SS18L2: variants seen among roughly 807,000 people sequenced by gnomAD.
SS18L2 encodes SS18 like 2.
Under a neutral mutation model 10.3 loss-of-function variants are expected in SS18L2, and 8 were observed. The ratio of observed to expected loss-of-function variants is 0.78; its 90% CI spans 0.46 to 1.41. The LOEUF (loss-of-function observed/expected upper bound fraction) is 1.41, where lower values mean the gene tolerates loss of function less well. Among genes scored for constraint, SS18L2 ranks in the 40% most tolerant of loss-of-function variants. The pLI, the probability that SS18L2 is intolerant of heterozygous loss-of-function variation, is 0.00. For missense variants in SS18L2, 100 were observed against 96.2 expected, an observed-to-expected ratio of 1.04 and a Z score of -0.17; for synonymous variants, 41 against 34.6, an observed-to-expected ratio of 1.19 and a Z score of -0.65.
At chr3:42,593,972 C>G (rs1448341527) in intron 2 of SS18L2, among the ~76,000 whole-genome samples, 1 of 152,106 alleles carries the variant, frequency 6.6e-6, no homozygotes, top group Non-Finnish European at 1.5e-5. Flanking sequence ...AAAGGTATAG[C>G]CATAAGAGGT....
intron 1 of SS18L2, 65 bp from the exon 2 acceptor site, chr3:42,591,460 C>CGG: frequency 3.2e-6 from 4 of 1,234,900 alleles, no homozygotes; most frequent in Non-Finnish European, 4.8e-6. Flanking sequence ...CCCAAAGGGC[C>CGG]GGGGTTACAG....
At position 42,596,901 on chromosome 3, in the gene SS18L2, C is replaced by A. The variant is rs1705047524; in HGVS notation, c.*2392C>A. Among the ~76,000 whole-genome samples the A allele has an allele frequency of 6.6e-6, 1 of 152,118 alleles. No individual in the cohort carries two copies. On this transcript the variant is annotated 3_prime_UTR_variant, in exon 3 of 3. Transcript: ENST00000011691. ...TAGGTTTAAAGTTGTTTAAGTATAT[C>A]CCAAATTAAATATTTCATTCCTGAG...
upstream of SS18L2, among the ~76,000 whole-genome samples, chr3:42,589,042 A>G (rs1704717220): frequency 6.6e-6 from 1 of 151,988 alleles, no homozygotes; most frequent in African/African-American, 2.4e-5. Flanking sequence ...AAGCGGGCGG[A>G]TCACGAGGTC....
chr3:42,584,726 C>T (rs1408700107), intron 1 of SS18L2, among the ~76,000 whole-genome samples: 2 of 152,196 alleles, frequency 1.3e-5, no homozygotes, highest in Non-Finnish European at 2.9e-5. Context: ...TCCCCTCCCA[C>T]AATGAGTCTC....
At position 42,596,286 on chromosome 3, in the gene SS18L2, T is replaced by A. The variant is rs1208935619; in HGVS notation, c.*1777T>A. On this transcript the variant is annotated 3_prime_UTR_variant, in exon 3 of 3. Transcript: ENST00000011691. ...ATCCACCTGCCTCAGCCTCCTAGAG[T>A]GCTGGGATTACAGGCGTAAGCCACC... Among the ~76,000 whole-genome samples, 1 of 152,184 alleles carries A rather than the reference T, an allele frequency of 6.6e-6. No individual in the cohort carries two copies. The highest frequency in any genetic ancestry group is 2.4e-5 in the African/African-American group (1 of 41,464).
intron 2 of SS18L2, among the ~76,000 whole-genome samples, chr3:42,592,724 T>C (rs750818946): frequency 1.3e-5 from 2 of 152,218 alleles, no homozygotes; most frequent in Non-Finnish European, 2.9e-5. Context: ...ATATGAAAAA[T>C]GGTTGCAAAA....
At chr3:42,590,487 C>A (rs1704781659), upstream of SS18L2, among the ~76,000 whole-genome samples, 1 of 151,914 alleles carries the variant, frequency 6.6e-6, no homozygotes, top group Non-Finnish European at 1.5e-5. Flanking sequence ...ATTAGACGGG[C>A]GTGGTGGCGG....
chr3:42,584,256 G>A (rs1420357791), intron 1 of SS18L2, among the ~76,000 whole-genome samples: 1 of 152,158 alleles, frequency 6.6e-6, no homozygotes, highest in East Asian at 1.9e-4. Context: ...GGTCTGGGCT[G>A]AACACAGACT....
Position 42,595,464 on chromosome 3 carries a change from A to C in SS18L2, c.*955A>C, listed in dbSNP as rs867014450. On this transcript the variant is annotated 3_prime_UTR_variant, in exon 3 of 3. Coordinates refer to ENST00000011691, the MANE Select transcript of SS18L2 (RefSeq NM_001370300.1). ...TCATGTTCTAATATTTTTAGCAGGAATATATTAGAAGGTGATAAGTACTTG... is the reference window on the plus strand; with the variant it reads ...TCATGTTCTAATATTTTTAGCAGGACTATATTAGAAGGTGATAAGTACTTG... 6.6e-6 allele frequency among the ~76,000 whole-genome samples: 1 copy of C among 152,226 alleles called. No homozygotes were observed. Among genetic ancestry groups the C allele is most frequent in the African/African-American group, 2.4e-5 (1 of 41,460 alleles).
upstream of SS18L2, among the ~76,000 whole-genome samples, chr3:42,588,011 T>G (rs1704679265): frequency 6.6e-6 from 1 of 151,374 alleles, no homozygotes; most frequent in Admixed American, 6.6e-5. Flanking sequence ...AGGTGGAGGT[T>G]GCAGTGAGCC....
Position 42,590,903 on chromosome 3 carries a change from G to A in SS18L2, c.6G>A (p.Ser2=), listed in dbSNP as rs1214588598. ...GGTTCCGGAGGTTCCTCGGGATGTCGGTGGCCTTCGTACCGGACTGGCTGA... is the reference window on the plus strand; with the variant it reads ...GGTTCCGGAGGTTCCTCGGGATGTCAGTGGCCTTCGTACCGGACTGGCTGA... The part of the protein sequence containing the change: M[S]VAFVPDWLRG... Residue 2 remains serine, a synonymous_variant, in exon 1 of 3, where the codon TCG becomes TCA. Transcript: ENST00000011691. 1.9e-6 allele frequency: 3 copies of A among 1,613,886 alleles called. No homozygotes were observed. Among genetic ancestry groups the A allele is most frequent in the East Asian group, 2.2e-5 (1 of 44,832 alleles).
Position 42,595,120 on chromosome 3 carries a change from A to C in SS18L2, c.*611A>C, listed in dbSNP as rs1342708088. The stretch of plus-strand genomic sequence containing the variant: ...TATTATCATTGCCAACAAAATGAAT[A>C]GTGATTTCTAATTATTATCTAATAT... On this transcript the variant is annotated 3_prime_UTR_variant, in exon 3 of 3. Transcript: ENST00000011691. 6.6e-6 allele frequency: 1 copy of C among 152,236 alleles called. No individual in the cohort carries two copies. Among genetic ancestry groups the C allele is most frequent in the Non-Finnish European group, 1.5e-5 (1 of 68,040 alleles). The allele number at this position is 152,236 out of a possible 1,614,324, so 9.4% of individuals were successfully genotyped here.
At chr3:42,590,995 G>GCGGT (rs1469244186) in intron 1 of SS18L2, 29 bp downstream of exon 1, 2 of 349,594 alleles carry the variant, frequency 5.7e-6, no homozygotes, top group Non-Finnish European at 1.1e-5. Context: ...GGGCGGGCGG[G>GCGGT]CGGAGAGAAG....
At chr3:42,582,812 A>C (rs1285612687) in intron 1 of SS18L2, among the ~76,000 whole-genome samples, 2 of 152,196 alleles carry the variant, frequency 1.3e-5, no homozygotes, top group African/African-American at 4.8e-5. Context: ...TGTATATAAG[A>C]ACTCTGTGGA....
intron 1 of SS18L2, chr3:42,591,202 T>G: frequency 6.7e-6 from 1 of 149,976 alleles, no homozygotes; most frequent in Non-Finnish European, 1.2e-5. Context: ...CTTTCTCTCC[T>G]TTTTTTTTTT....
chr3:42,584,242 T>C (rs1455937428), intron 1 of SS18L2, among the ~76,000 whole-genome samples: 2 of 152,196 alleles, frequency 1.3e-5, no homozygotes, highest in Non-Finnish European at 2.9e-5. Flanking sequence ...CAGGTCAATG[T>C]AGAGGTCTGG....
At chr3:42,592,141 A>G (rs1035614297) in intron 2 of SS18L2, among the ~76,000 whole-genome samples, 2 of 152,218 alleles carry the variant, frequency 1.3e-5, no homozygotes, top group Non-Finnish European at 2.9e-5. Context: ...AAAATGAGAG[A>G]AAATAGAGTC....
At chr3:42,583,479 A>C (rs1704501488) in intron 1 of SS18L2, among the ~76,000 whole-genome samples, 1 of 152,232 alleles carries the variant, frequency 6.6e-6, no homozygotes, top group Non-Finnish European at 1.5e-5. Flanking sequence ...ACACTGGAAG[A>C]GGAGATAAGA....
upstream of SS18L2, among the ~76,000 whole-genome samples, chr3:42,586,023 A>G (rs1704600037): frequency 6.6e-6 from 1 of 151,924 alleles, no homozygotes; most frequent in South Asian, 2.1e-4. Flanking sequence ...TTAGCTCCAG[A>G]CAACTCCTCT....
Sources: gnomAD v4.1 joint callset for allele counts (sites outside exome capture counted in the v4.1 genomes callset) on GRCh38, gnomAD v4.1.1 for gene constraint, MANE v1.5 for transcripts, NCBI Gene and HGNC (gene_info 2026-07-23, HGNC 2026-07-21) for gene names.